Variants in AGPAT3 observed in about 807,000 individuals in gnomAD.
AGPAT3 encodes the protein 1-acylglycerol-3-phosphate O-acyltransferase 3, also known as 1-acyl-sn-glycerol-3-phosphate acyltransferase gamma.
AGPAT3 carries 5 observed loss-of-function variants against 47.3 expected under a neutral mutation model. The observed-to-expected ratio is 0.11, with a 90% confidence interval of 0.06 to 0.22. The LOEUF (loss-of-function observed/expected upper bound fraction) is 0.22. AGPAT3 is among the 10% of genes least tolerant of loss of function. The pLI is 1.00. For missense variants in AGPAT3, 315 were observed against 493.0 expected (o/e 0.64, Z 3.42); for synonymous variants, 212 against 208.3 (o/e 1.02, Z -0.15).
In AGPAT3 at chr21:43,955,224, T is replaced by A. The variant is rs2088390468; in HGVS notation, c.-48-4410T>A. On this transcript the variant is annotated intron_variant, in intron 2 of 9. Coordinates refer to ENST00000291572, the MANE Select transcript of AGPAT3 (RefSeq NM_020132.5). This position sits in a 1 kb window ranked among gnomAD's most constrained non-coding sequence, Gnocchi z 4.1. ...GGCCAGATGCCATGGGATTCTGTGT[T>A]TGTGAACCTCTAGAAAAGGTAAATT... The A allele has an allele frequency of 8.1e-7, 1 of 1,239,382 alleles. No individual in the cohort carries two copies. The highest frequency in any genetic ancestry group is 2.6e-5 in the Admixed American group (1 of 38,420). The allele number at this position is 1,239,382 out of a possible 1,614,324, so 76.8% of individuals were successfully genotyped here.
At chr21:43,957,462 A>AGGGTTTCCCCTCCACACGGGGGGTCTC (rs1569089958) in intron 2 of AGPAT3, among the ~76,000 whole-genome samples, 49 of 150,846 alleles carry the variant, frequency 3.2e-4, no homozygotes, top group African/African-American at 1.1e-3. Flanking sequence ...CCTGACTGCC[A>AGGGTTTCCCCTCCACACGGGGGGTCTC]GGGTTTCCCC....
At chr21:43,926,498 A>C (rs1489113463) in intron 2 of AGPAT3, among the ~76,000 whole-genome samples, 2 of 152,114 alleles carry the variant, frequency 1.3e-5, no homozygotes, top group Non-Finnish European at 2.9e-5. Flanking sequence ...CTCACAGAGA[A>C]CAGGCAGCTT....
intron 5 of AGPAT3, 143 bp downstream of exon 5, chr21:43,969,422 C>T (rs962525897): frequency 2.3e-5 from 25 of 1,097,514 alleles, no homozygotes; most frequent in Non-Finnish European, 2.1e-5. Context: ...GCCATGACTC[C>T]CCCATCTGAG....
At chr21:43,874,155 A>G (rs2085684559) in intron 1 of AGPAT3, among the ~76,000 whole-genome samples, 1 of 152,268 alleles carries the variant, frequency 6.6e-6, no homozygotes, top group African/African-American at 2.4e-5. Flanking sequence ...CCACCTGAGT[A>G]GCTGGGATTA....
At chr21:43,905,174 T>G (rs1396490556) in intron 2 of AGPAT3, among the ~76,000 whole-genome samples, 1 of 145,070 alleles carries the variant, frequency 6.9e-6, no homozygotes, top group Non-Finnish European at 1.5e-5. Context: ...TATTTATTTA[T>G]TTATTTATTT....
chr21:43,981,144 A>T lies in AGPAT3; in HGVS notation c.999A>T (p.Gly333=). ...TTGTCTTGGGCGTCTTTGCCAGCGGATCACCTCTCCTGATCCTGACTTTCT... is the reference window on the plus strand; with the variant it reads ...TTGTCTTGGGCGTCTTTGCCAGCGGTTCACCTCTCCTGATCCTGACTTTCT... ...FSFVLGVFAS[G]SPLLILTFLG... Residue 333 remains glycine, a synonymous_variant, in exon 9 of 10, where the codon GGA becomes GGT. Transcript: ENST00000291572. This position sits in a 1 kb window ranked among gnomAD's most constrained non-coding sequence, Gnocchi z 5.3. 1 of 1,614,034 alleles carries T rather than the reference A, an allele frequency of 6.2e-7. No homozygotes were observed. The highest frequency in any genetic ancestry group is 2.2e-5 in the East Asian group (1 of 44,864).
chr21:43,915,453 C>T (rs1305318048), intron 2 of AGPAT3, among the ~76,000 whole-genome samples: 3 of 123,016 alleles, frequency 2.4e-5, no homozygotes, highest in African/African-American at 6.6e-5. Flanking sequence ...GTTCTGTTGC[C>T]CAGGCTGGAG....
chr21:43,927,317 A>G (rs1464952221), intron 2 of AGPAT3, among the ~76,000 whole-genome samples: 1 of 152,224 alleles, frequency 6.6e-6, no homozygotes, highest in East Asian at 1.9e-4. Context: ...AAATCTTTAA[A>G]AAAGAACCCC....
At chr21:43,968,213 G>A (rs1287832188) in intron 4 of AGPAT3, 98 bp downstream of exon 4, 1 of 1,292,352 alleles carries the variant, frequency 7.7e-7, no homozygotes, top group East Asian at 2.7e-5. Context: ...TGAGCAGGGG[G>A]TCCCTGCAGG....
chr21:43,868,193 C>T (rs1461360778), intron 1 of AGPAT3, among the ~76,000 whole-genome samples: 1 of 152,170 alleles, frequency 6.6e-6, no homozygotes, highest in African/African-American at 2.4e-5. Context: ...GAAAGTTGGC[C>T]ATTCTTTCTG....
At chr21:43,885,342 T>G (rs532385612) in intron 1 of AGPAT3, among the ~76,000 whole-genome samples, 1 of 152,228 alleles carries the variant, frequency 6.6e-6, no homozygotes, top group South Asian at 2.1e-4. Flanking sequence ...AACAAATAAC[T>G]TTCAATTACA....
chr21:43,929,184 C>T (rs760217547), intron 2 of AGPAT3, among the ~76,000 whole-genome samples: 1 of 152,222 alleles, frequency 6.6e-6, no homozygotes, highest in Non-Finnish European at 1.5e-5. Context: ...TCTGTGTGCC[C>T]ACCTTTCATG....
chr21:43,896,558 C>T (rs752424060), intron 1 of AGPAT3, among the ~76,000 whole-genome samples: 13 of 152,200 alleles, frequency 8.5e-5, no homozygotes, highest in South Asian at 2.1e-4. Context: ...TTTGCTGGAC[C>T]GCAGTCACAC....
At chr21:43,947,802 C>T (rs545705622) in intron 2 of AGPAT3, among the ~76,000 whole-genome samples, 25 of 151,892 alleles carry the variant, frequency 1.6e-4, no homozygotes, top group African/African-American at 5.8e-4. Context: ...TGCCACCACA[C>T]CCGGCTAATT....
At chr21:43,897,456 C>T (rs558637582) in intron 1 of AGPAT3, among the ~76,000 whole-genome samples, 146 of 152,250 alleles carry the variant, frequency 9.6e-4, no homozygotes, top group Non-Finnish European at 1.7e-3. Context: ...GGCCTGTTCT[C>T]GATGGTCGCT....
At position 43,932,222 on chromosome 21, in the gene AGPAT3, A is replaced by G. The variant is rs988565888; in HGVS notation, c.-48-27412A>G. ...ATCACGAACACGTCCCTCCAGTCTA[A>G]CTGAAACTGCTCCCTTTGATCAGCA... On this transcript the variant is annotated intron_variant, in intron 2 of 9. Coordinates refer to ENST00000291572, the MANE Select transcript of AGPAT3 (RefSeq NM_020132.5). This position sits in a 1 kb window ranked among gnomAD's most constrained non-coding sequence, Gnocchi z 5.2. 6.6e-6 allele frequency among the ~76,000 whole-genome samples: 1 copy of G among 152,120 alleles called. No homozygotes were observed. Among genetic ancestry groups the G allele is most frequent in the Non-Finnish European group, 1.5e-5 (1 of 68,000 alleles).
intron 2 of AGPAT3, among the ~76,000 whole-genome samples, chr21:43,953,780 A>T (rs560858551): frequency 9.8e-5 from 15 of 152,340 alleles, no homozygotes; most frequent in Admixed American, 9.8e-4. Flanking sequence ...TGCTTTACAG[A>T]GTCAAAATCT....
intron 8 of AGPAT3, among the ~76,000 whole-genome samples, chr21:43,978,692 C>T (rs1226734451): frequency 1.3e-5 from 2 of 152,146 alleles, no homozygotes; most frequent in Non-Finnish European, 2.9e-5. Context: ...TGGCTGGTAA[C>T]ATTTGGTCAC....
At chr21:43,885,059 G>A (rs138045457) in intron 1 of AGPAT3, among the ~76,000 whole-genome samples, 3 of 152,256 alleles carry the variant, frequency 2.0e-5, no homozygotes, top group South Asian at 2.1e-4. Context: ...ATGCAGTGAC[G>A]TGCGGTGCTG....
Sources: gnomAD v4.1 joint callset for allele counts (sites outside exome capture counted in the v4.1 genomes callset) on GRCh38, gnomAD v4.1.1 for gene constraint, Gnocchi (gnomAD v3.1) non-coding constraint, MANE v1.5 for transcripts, NCBI Gene and HGNC (gene_info 2026-07-23, HGNC 2026-07-21) for gene names.